Variants in STIM2 observed in about 807,000 individuals in gnomAD.
STIM2 encodes the protein stromal interaction molecule 2.
A neutral mutation model predicts 85.8 loss-of-function variants in STIM2; 31 were observed. The ratio of observed to expected loss-of-function variants is 0.36; its 90% CI spans 0.27 to 0.49. The LOEUF is 0.49. Among genes scored for constraint, STIM2 ranks in the 20% least tolerant of loss-of-function variants. The probability of loss-of-function intolerance (pLI) is 0.98; values close to 1 mark genes in which losing one functional copy is unlikely to be tolerated. For missense variants in STIM2, 841 were observed against 927.6 expected (o/e 0.91, Z 1.21); for synonymous variants, 356 against 331.1 (o/e 1.08, Z -0.82).
At chr4:26,923,136 G>T (rs983218907) in intron 2 of STIM2, among the ~76,000 whole-genome samples, 3 of 150,728 alleles carry the variant, frequency 2.0e-5, no homozygotes, top group African/African-American at 7.3e-5. Context: ...CACACGGCAG[G>T]GTATTCCAAC....
In STIM2 at chr4:26,953,474, G is replaced by A. The variant is rs149305152; in HGVS notation, c.283-4138G>A. Reference sequence around the variant, plus strand: ...AATGAGCACTTAAATGCTTGCAAATGTCTTATAGTAAGTAGTGGAGTCAGG... The same window carrying A: ...AATGAGCACTTAAATGCTTGCAAATATCTTATAGTAAGTAGTGGAGTCAGG... On this transcript the variant is annotated intron_variant, in intron 2 of 11. Coordinates refer to ENST00000467087, the MANE Select transcript of STIM2 (RefSeq NM_020860.4). Among the ~76,000 whole-genome samples, 747 of 152,176 alleles carry A rather than the reference G, an allele frequency of 4.9e-3. 8 individuals carry two copies. Among genetic ancestry groups the A allele is most frequent in the African/African-American group, 0.017 (724 of 41,534 alleles).
intron 1 of STIM2, among the ~76,000 whole-genome samples, chr4:26,891,558 TACACACAC>T (rs71643700): frequency 0.21 from 30,978 of 144,458 alleles, 3,276 homozygotes; most frequent in East Asian, 0.37. Context: ...TATACATACA[TACACACAC>T]ACACACACAC....
At chr4:26,981,535 A>G (rs1233002959) in intron 3 of STIM2, among the ~76,000 whole-genome samples, 1 of 152,154 alleles carries the variant, frequency 6.6e-6, no homozygotes, top group Non-Finnish European at 1.5e-5. Flanking sequence ...ACTCCCATAT[A>G]CACTGTGTCT....
intron 2 of STIM2, among the ~76,000 whole-genome samples, chr4:26,950,098 A>G (rs951813877): frequency 2.0e-5 from 3 of 152,178 alleles, no homozygotes; most frequent in South Asian, 2.1e-4. Flanking sequence ...CATATAACAC[A>G]TAATCTTATC....
At chr4:26,953,342 G>A (rs1726125909) in intron 2 of STIM2, among the ~76,000 whole-genome samples, 1 of 152,100 alleles carries the variant, frequency 6.6e-6, no homozygotes, top group Admixed American at 6.6e-5. Flanking sequence ...AAAATATTTT[G>A]TCTAACACTT....
At chr4:26,893,906 TGAGACAGAG>T (rs1052168345) in intron 1 of STIM2, among the ~76,000 whole-genome samples, 8 of 152,170 alleles carry the variant, frequency 5.3e-5, no homozygotes, top group Non-Finnish European at 1.2e-4. Context: ...AATTATTTTT[TGAGACAGAG>T]TCTTGTTGTG....
intron 3 of STIM2, among the ~76,000 whole-genome samples, chr4:26,992,395 T>C (rs922622156): frequency 6.6e-6 from 1 of 152,056 alleles, no homozygotes; most frequent in African/African-American, 2.4e-5. Context: ...GTTATTTAAA[T>C]GCTATGCATA....
chr4:26,995,606 A>G (rs1362140571), intron 4 of STIM2, 116 bp downstream of exon 4: 3 of 451,678 alleles, frequency 6.6e-6, no homozygotes, highest in Non-Finnish European at 1.2e-5. Context: ...AAGGAAATAT[A>G]AATATATCCA....
chr4:26,957,814 C>G, intron 3 of STIM2, 88 bp downstream of exon 3: 1 of 750,826 alleles, frequency 1.3e-6, no homozygotes, highest in South Asian at 1.8e-5. Context: ...TATGCTTTTA[C>G]CAAAAAAATC....
chr4:27,003,166 G>T, intron 7 of STIM2, 62 bp downstream of exon 7: 2 of 1,476,172 alleles, frequency 1.4e-6, no homozygotes, highest in Non-Finnish European at 9.0e-7. Flanking sequence ...TGAGGAGCCA[G>T]GTCCTGTTTT....
At chr4:26,882,217 C>T (rs1331442385) in intron 1 of STIM2, among the ~76,000 whole-genome samples, 2 of 152,130 alleles carry the variant, frequency 1.3e-5, no homozygotes, top group Non-Finnish European at 2.9e-5. Flanking sequence ...TTCTGACATT[C>T]TCTTATGGTG....
intron 3 of STIM2, among the ~76,000 whole-genome samples, chr4:26,985,638 G>A (rs1446034779): frequency 2.0e-5 from 3 of 152,070 alleles, no homozygotes; most frequent in Non-Finnish European, 2.9e-5. Flanking sequence ...ATGTTTTCAT[G>A]CTTTAAGAGA....
At chr4:26,865,779 AATT>A (rs1020499249) in intron 1 of STIM2, among the ~76,000 whole-genome samples, 15 of 152,264 alleles carry the variant, frequency 9.9e-5, no homozygotes, top group African/African-American at 3.6e-4. Context: ...TTAACTAAAT[AATT>A]ATTAAGTACA....
intron 1 of STIM2, among the ~76,000 whole-genome samples, chr4:26,918,510 T>C (rs928685714): frequency 6.6e-6 from 1 of 152,134 alleles, no homozygotes; most frequent in Non-Finnish European, 1.5e-5. Context: ...AACCTCTGTC[T>C]TATGCTAACC....
At chr4:26,866,383 A>G (rs532092095) in intron 1 of STIM2, among the ~76,000 whole-genome samples, 1 of 152,330 alleles carries the variant, frequency 6.6e-6, no homozygotes, top group African/African-American at 2.4e-5. Context: ...TTATACAAAC[A>G]ACATGCGATG....
chr4:27,008,733 C>A (rs1348245757), intron 9 of STIM2, 31 bp from the exon 10 acceptor site: 3 of 1,598,472 alleles, frequency 1.9e-6, no homozygotes, highest in Non-Finnish European at 2.6e-6. Context: ...CCTTTTGATG[C>A]AGTAAGTAAT....
intron 1 of STIM2, among the ~76,000 whole-genome samples, chr4:26,901,899 A>T (rs1723932031): frequency 6.6e-6 from 1 of 152,180 alleles, no homozygotes; most frequent in Non-Finnish European, 1.5e-5. Context: ...TGCAACTATA[A>T]TAGTTATGCA....
chr4:26,980,637 G>A (rs1307076112), intron 3 of STIM2, among the ~76,000 whole-genome samples: 1 of 152,084 alleles, frequency 6.6e-6, no homozygotes, highest in Non-Finnish European at 1.5e-5. Flanking sequence ...GTAAATTCTA[G>A]CCCATAAAAG....
intron 11 of STIM2, among the ~76,000 whole-genome samples, chr4:27,020,092 T>A (rs1258008319): frequency 2.0e-5 from 3 of 152,220 alleles, no homozygotes; most frequent in African/African-American, 7.2e-5. Context: ...TACAACTGAT[T>A]AATGGTAGGA....
Sources: allele counts gnomAD v4.1 joint callset (sites outside exome capture counted in the v4.1 genomes callset), GRCh38; gene constraint gnomAD v4.1.1; transcripts MANE v1.5; gene names NCBI Gene and HGNC (gene_info 2026-07-23, HGNC 2026-07-21).